The following PLPPR1 variants were observed in gnomAD, a reference collection of about 807,000 sequenced individuals.
PLPPR1 encodes phospholipid phosphatase-related protein type 1.
Under a neutral mutation model 33.1 loss-of-function variants are expected in PLPPR1, and 10 were observed. The observed-to-expected ratio is 0.30, with a 90% CI of 0.19 to 0.51. PLPPR1 has a LOEUF of 0.51. Among genes scored for constraint, PLPPR1 ranks in the 20% least tolerant of loss-of-function variants. The pLI, the probability that PLPPR1 is intolerant of heterozygous loss-of-function variation, is 0.97. For missense variants in PLPPR1, 304 were observed against 408.1 expected, an observed-to-expected ratio of 0.74 and a Z score of 2.20; for synonymous variants, 151 against 151.0, an observed-to-expected ratio of 1.00 and a Z score of 0.00.
At position 101,278,285 on chromosome 9, in the gene PLPPR1, G is replaced by T. The variant is rs75876981; in HGVS notation, c.253-7819G>T. ...TGTATTGATATCAGTTATTTATTGC[G>T]TACCACATGTTTTTTAAAATATTTG... On this transcript the variant is annotated intron_variant, in intron 3 of 7. Transcript: ENST00000374874. Among the ~76,000 whole-genome samples the T allele has an allele frequency of 2.0e-5, 3 of 152,008 alleles. No homozygotes were observed. In the South Asian group the frequency reaches 6.2e-4, roughly 32 times the overall value.
intron 1 of PLPPR1, among the ~76,000 whole-genome samples, chr9:101,052,242 C>T (rs1344315251): frequency 6.6e-6 from 1 of 152,076 alleles, no homozygotes; most frequent in East Asian, 1.9e-4. Flanking sequence ...TATATCTGAA[C>T]ATAGCTTTAA....
At chr9:101,217,744 TTA>T (rs1826832019) in intron 2 of PLPPR1, among the ~76,000 whole-genome samples, 1 of 152,188 alleles carries the variant, frequency 6.6e-6, no homozygotes, top group Non-Finnish European at 1.5e-5. Flanking sequence ...TATAGAATGT[TTA>T]TAGAAATTGA....
intron 7 of PLPPR1, among the ~76,000 whole-genome samples, chr9:101,320,652 C>G (rs960036594): frequency 3.3e-5 from 5 of 152,190 alleles, no homozygotes; most frequent in African/African-American, 9.7e-5. Context: ...TGCAAGTCAC[C>G]AAGCATCTGT....
At chr9:101,289,189 T>C (rs1359210966) in intron 4 of PLPPR1, among the ~76,000 whole-genome samples, 2 of 152,170 alleles carry the variant, frequency 1.3e-5, no homozygotes, top group Non-Finnish European at 2.9e-5. Flanking sequence ...ACCCCTTCAC[T>C]TTACAAGCTG....
intron 6 of PLPPR1, 92 bp downstream of exon 6, chr9:101,313,066 C>T: frequency 2.7e-6 from 3 of 1,110,130 alleles, no homozygotes; most frequent in South Asian, 1.4e-5. Flanking sequence ...ATCTGTGTTC[C>T]TTTCGTCCCA....
At chr9:101,291,946 A>C (rs1253848103) in intron 4 of PLPPR1, among the ~76,000 whole-genome samples, 4 of 152,230 alleles carry the variant, frequency 2.6e-5, no homozygotes, top group Non-Finnish European at 5.9e-5. Context: ...ATGGAGAATG[A>C]CTTTGACGAG....
At chr9:101,124,416 C>T (rs988370565) in intron 1 of PLPPR1, among the ~76,000 whole-genome samples, 2 of 152,090 alleles carry the variant, frequency 1.3e-5, no homozygotes, top group African/African-American at 4.8e-5. Context: ...TAGGTAAAAC[C>T]CTGGTGCTCC....
At chr9:101,299,679 G>C (rs1466209033) in intron 4 of PLPPR1, among the ~76,000 whole-genome samples, 1 of 152,226 alleles carries the variant, frequency 6.6e-6, no homozygotes, top group Non-Finnish European at 1.5e-5. Flanking sequence ...ATAAAGGACT[G>C]AGCAGAAGAC....
intron 1 of PLPPR1, among the ~76,000 whole-genome samples, chr9:101,058,546 G>C (rs530697749): frequency 6.6e-6 from 1 of 152,236 alleles, no homozygotes; most frequent in Admixed American, 6.5e-5. Context: ...TACTTAGACT[G>C]CGTGTTCAGT....
At chr9:101,294,732 G>A (rs1458494509) in intron 4 of PLPPR1, among the ~76,000 whole-genome samples, 5 of 152,080 alleles carry the variant, frequency 3.3e-5, no homozygotes, top group Admixed American at 6.6e-5. Flanking sequence ...TGCAGAAAAG[G>A]CCTTTGACAA....
intron 2 of PLPPR1, among the ~76,000 whole-genome samples, chr9:101,201,929 A>G (rs1826501122): frequency 6.6e-6 from 1 of 152,186 alleles, no homozygotes; most frequent in African/African-American, 2.4e-5. Context: ...ACCTAATGAC[A>G]TACACAGAAT....
intron 2 of PLPPR1, among the ~76,000 whole-genome samples, chr9:101,237,926 C>CTATA (rs34987720): frequency 0.068 from 6,910 of 102,154 alleles, 388 homozygotes; most frequent in East Asian, 0.27. Context: ...GAGAATAAGC[C>CTATA]TATATATATA....
Position 101,324,282 on chromosome 9 carries a change from A to G in PLPPR1, c.*225A>G. On this transcript the variant is annotated 3_prime_UTR_variant, in exon 8 of 8. Coordinates refer to ENST00000374874, the MANE Select transcript of PLPPR1 (RefSeq NM_207299.2). ...TATTTATGCCAGAATTTTAAAACCA[A>G]CAAAATTTTCTTGTTCAAGCGTGCA... 2.4e-6 allele frequency: 1 copy of G among 425,436 alleles called. No homozygotes were observed. Among genetic ancestry groups the G allele is most frequent in the Non-Finnish European group, 4.2e-6 (1 of 238,612 alleles). 26.4% of individuals were successfully genotyped at this position (425,436 alleles called of 1,614,324 possible). A position where few individuals can be genotyped will look rare whatever the true frequency, so the allele number is the denominator to read the frequency against.
chr9:101,292,085 G>C (rs1463020963), intron 4 of PLPPR1, among the ~76,000 whole-genome samples: 1 of 152,186 alleles, frequency 6.6e-6, no homozygotes, highest in Admixed American at 6.5e-5. Flanking sequence ...CCAATACAGA[G>C]AAGTGCTTAA....
At chr9:101,287,494 C>G (rs556485710) in intron 4 of PLPPR1, among the ~76,000 whole-genome samples, 2 of 152,178 alleles carry the variant, frequency 1.3e-5, no homozygotes, top group East Asian at 3.9e-4. Context: ...TACCCAAAAC[C>G]CTGTAAGGTA....
At chr9:101,077,753 A>T (rs1045923712) in intron 1 of PLPPR1, among the ~76,000 whole-genome samples, 7 of 151,668 alleles carry the variant, frequency 4.6e-5, no homozygotes, top group Middle Eastern at 3.4e-3. Flanking sequence ...GCATCTAGGA[A>T]CCCCCTTATA....
intron 2 of PLPPR1, among the ~76,000 whole-genome samples, chr9:101,202,451 A>G (rs1373499342): frequency 6.6e-6 from 1 of 152,174 alleles, no homozygotes; most frequent in Non-Finnish European, 1.5e-5. Flanking sequence ...CAACCTTTTG[A>G]GGGCTGGGGT....
At chr9:101,220,474 C>G (rs1275863638) in intron 2 of PLPPR1, among the ~76,000 whole-genome samples, 1 of 152,170 alleles carries the variant, frequency 6.6e-6, no homozygotes, top group Non-Finnish European at 1.5e-5. Flanking sequence ...ATCTTATAGT[C>G]CAGATGGATA....
intron 2 of PLPPR1, among the ~76,000 whole-genome samples, chr9:101,243,170 C>T (rs937998927): frequency 1.3e-5 from 2 of 151,870 alleles, no homozygotes; most frequent in African/African-American, 2.4e-5. Context: ...TATTTGCAGG[C>T]GACAGCTATG....
Sources: allele counts gnomAD v4.1 joint callset (sites outside exome capture counted in the v4.1 genomes callset), GRCh38; gene constraint gnomAD v4.1.1; transcripts MANE v1.5; gene names NCBI Gene and HGNC (gene_info 2026-07-23, HGNC 2026-07-21).